ITPR1: variants seen among roughly 807,000 people sequenced by gnomAD.
The protein encoded by ITPR1 is inositol 1,4,5-trisphosphate-gated calcium channel ITPR1.
Under a neutral mutation model 318.4 loss-of-function variants are expected in ITPR1, and 96 were observed. The ratio of observed to expected loss-of-function variants is 0.30; its 90% CI spans 0.26 to 0.36. The LOEUF is 0.36. Among genes scored for constraint, ITPR1 ranks in the 10% least tolerant of loss-of-function variants. ITPR1 has a pLI of 1.00. For missense variants in ITPR1, 2,440 were observed against 3,460.2 expected, an observed-to-expected ratio of 0.71 and a Z score of 7.40; for synonymous variants, 1,312 against 1,289.9, an observed-to-expected ratio of 1.02 and a Z score of -0.37.
In ITPR1 at chr3:4,704,521, C is replaced by G. The variant is rs142844313; in HGVS notation, c.4657+1571C>G. 2.4e-4 allele frequency among the ~76,000 whole-genome samples: 37 copies of G among 152,256 alleles called. No homozygotes were observed. In the East Asian group the frequency reaches 4.2e-3, roughly 17 times the overall value. ...TAAGCAATACACTTCTGCAGCAAAC[C>G]TGCACGGGTACCCCCTGATTCTAAG... is the stretch of plus-strand genomic sequence containing the variant. On this transcript the variant is annotated intron_variant, in intron 36 of 61. Transcript: ENST00000649015.
At chr3:4,529,542 C>A (rs1008995077) in intron 4 of ITPR1, among the ~76,000 whole-genome samples, 5 of 152,154 alleles carry the variant, frequency 3.3e-5, no homozygotes, top group African/African-American at 1.2e-4. Flanking sequence ...TATGATAACT[C>A]TTTTCCTTTC....
chr3:4,653,823 A>C lies in ITPR1; in HGVS notation c.952-19A>C. 3.1e-6 allele frequency: 5 copies of C among 1,594,224 alleles called. No homozygotes were observed. Among genetic ancestry groups the C allele is most frequent in the Non-Finnish European group, 3.4e-6 (4 of 1,165,678 alleles). On this transcript the variant is annotated intron_variant, in intron 11 of 61. Transcript: ENST00000649015. ...AAAGCAATGGATGTTTTAATTTCCT[A>C]ATGATTCTTTTTCATCAGGTAGACC...
intron 44 of ITPR1, among the ~76,000 whole-genome samples, chr3:4,759,407 A>T (rs558204944): frequency 3.5e-4 from 54 of 152,356 alleles, no homozygotes; most frequent in African/African-American, 1.3e-3. Context: ...ATCAGAAGGT[A>T]AGAATGTAAA....
chr3:4,840,160 G>T (rs1216836172), intron 61 of ITPR1, among the ~76,000 whole-genome samples: 5 of 148,734 alleles, frequency 3.4e-5, no homozygotes, highest in Admixed American at 6.9e-5. Flanking sequence ...GAATCAACTT[G>T]TTGAATAGAT....
intron 4 of ITPR1, among the ~76,000 whole-genome samples, chr3:4,558,900 G>T (rs779179762): frequency 2.6e-5 from 4 of 151,190 alleles, no homozygotes; most frequent in Admixed American, 2.0e-4. Flanking sequence ...ACTTCCAAAC[G>T]CATCTCAGGA....
intron 2 of ITPR1, among the ~76,000 whole-genome samples, chr3:4,499,304 C>T (rs1269585685): frequency 7.2e-5 from 11 of 152,034 alleles, no homozygotes; most frequent in Admixed American, 5.9e-4. Context: ...GTAAAATTTA[C>T]GTATATATTT....
At chr3:4,800,062 G>C in intron 53 of ITPR1, 2 of 223,556 alleles carry the variant, frequency 8.9e-6, no homozygotes, top group Admixed American at 1.2e-4. Context: ...CTGACCATTA[G>C]GAAATAGTGT....
At chr3:4,539,835 G>A (rs1304154476) in intron 4 of ITPR1, among the ~76,000 whole-genome samples, 2 of 152,142 alleles carry the variant, frequency 1.3e-5, no homozygotes, top group Non-Finnish European at 2.9e-5. Context: ...ACTCTTTAGA[G>A]AGTCCTTACC....
chr3:4,653,587 G>T (rs2093642848), intron 11 of ITPR1, among the ~76,000 whole-genome samples: 1 of 152,150 alleles, frequency 6.6e-6, no homozygotes, highest in African/African-American at 2.4e-5. Flanking sequence ...TTTAACTATT[G>T]CTTTGCCAGT....
At chr3:4,833,906 T>C (rs1457120889) in intron 60 of ITPR1, among the ~76,000 whole-genome samples, 1 of 152,212 alleles carries the variant, frequency 6.6e-6, no homozygotes, top group Admixed American at 6.5e-5. Context: ...TAGTTTTTTA[T>C]TTGTTTTCAG....
chr3:4,815,545 T>C (rs2049235778), intron 59 of ITPR1, among the ~76,000 whole-genome samples: 2 of 152,164 alleles, frequency 1.3e-5, no homozygotes, highest in Non-Finnish European at 2.9e-5. Flanking sequence ...CTCTGCATTA[T>C]TGTGAGAATT....
intron 6 of ITPR1, among the ~76,000 whole-genome samples, chr3:4,639,708 C>A (rs911583904): frequency 6.6e-6 from 1 of 152,172 alleles, no homozygotes; most frequent in Non-Finnish European, 1.5e-5. Flanking sequence ...TCATTTCACT[C>A]CAGACACTTC....
chr3:4,555,608 T>C (rs184786561), intron 4 of ITPR1, among the ~76,000 whole-genome samples: 197 of 152,274 alleles, frequency 1.3e-3, no homozygotes, highest in African/African-American at 4.2e-3. Flanking sequence ...TGAAAAGACA[T>C]GGAGGAAACT....
At position 4,847,370 on chromosome 3, in the gene ITPR1, C is replaced by A. The variant is rs2051860239; in HGVS notation, c.*1145C>A. The A allele has an allele frequency of 7.4e-6, 1 of 134,706 alleles. No homozygotes were observed. The allele number at this position is 134,706 out of a possible 1,614,324, so 8.3% of individuals were successfully genotyped here. ...CTGTTGCCTAGTTTTGTACATGGAT[C>A]TCATTTTACAAGAGAATCTCTCTGC... On this transcript the variant is annotated 3_prime_UTR_variant, in exon 62 of 62. Coordinates refer to ENST00000649015, the MANE Select transcript of ITPR1 (RefSeq NM_001378452.1).
intron 44 of ITPR1, among the ~76,000 whole-genome samples, chr3:4,739,039 G>A (rs2043504132): frequency 6.6e-6 from 1 of 152,228 alleles, no homozygotes; most frequent in South Asian, 2.1e-4. Context: ...ACTTGTCAGA[G>A]CCCCTTGGCC....
At chr3:4,724,877 G>A (rs1425501013) in intron 40 of ITPR1, among the ~76,000 whole-genome samples, 1 of 152,158 alleles carries the variant, frequency 6.6e-6, no homozygotes, top group Admixed American at 6.5e-5. Flanking sequence ...GATGGGGCCA[G>A]GAAACCCAGA....
chr3:4,622,819 G>A (rs1362878161), intron 4 of ITPR1, among the ~76,000 whole-genome samples: 1 of 152,236 alleles, frequency 6.6e-6, no homozygotes, highest in Admixed American at 6.5e-5. Context: ...GAGCACTGGG[G>A]ATTGTAGCAC....
At chr3:4,663,352 G>A in intron 16 of ITPR1, 146 bp downstream of exon 16, 1 of 610,846 alleles carries the variant, frequency 1.6e-6, no homozygotes, top group Non-Finnish European at 2.7e-6. Context: ...GCAGTGAGCT[G>A]ATCGCATCAC....
At chr3:4,806,366 G>T in intron 55 of ITPR1, 99 bp downstream of exon 55, 1 of 1,174,040 alleles carries the variant, frequency 8.5e-7, no homozygotes, top group Non-Finnish European at 1.3e-6. Context: ...ATGGTGATTG[G>T]TGTGCCTGGT....
Sources: gnomAD v4.1 joint callset for allele counts (sites outside exome capture counted in the v4.1 genomes callset) on GRCh38, gnomAD v4.1.1 for gene constraint, MANE v1.5 for transcripts, NCBI Gene and HGNC (gene_info 2026-07-23, HGNC 2026-07-21) for gene names.